The following JAKMIP1 variants were observed in gnomAD, a reference collection of about 807,000 sequenced individuals.
JAKMIP1 encodes janus kinase and microtubule-interacting protein 1.
Under a neutral mutation model 113.0 loss-of-function variants are expected in JAKMIP1, and 33 were observed. That is an observed-to-expected ratio of 0.29 (90% confidence interval 0.22 to 0.39). The LOEUF (loss-of-function observed/expected upper bound fraction) is 0.39, where lower values mean the gene tolerates loss of function less well. Ranked by LOEUF, JAKMIP1 falls within the 10% of genes least tolerant of loss-of-function variation. The pLI, the probability that JAKMIP1 is intolerant of heterozygous loss-of-function variation, is 1.00. For synonymous variants in JAKMIP1, 480 were observed against 459.9 expected, an observed-to-expected ratio of 1.04 and a Z score of -0.56; for missense variants, 813 against 1,080.5, an observed-to-expected ratio of 0.75 and a Z score of 3.47.
intron 3 of JAKMIP1, among the ~76,000 whole-genome samples, chr4:6,098,326 G>A (rs950298998): frequency 3.9e-5 from 6 of 152,076 alleles, no homozygotes; most frequent in South Asian, 2.1e-4. Context: ...CCAGCTACCC[G>A]GGAGGCTGAG....
In JAKMIP1 at chr4:6,136,376, A is replaced by G. The variant is rs1261220264; in HGVS notation, c.-147-23379T>C. Reference sequence around the variant, plus strand: ...ATTTAAGTACTTCTGACAAATCAGTACCCTAGTGATAATATCTCCCACTGG... The same window carrying G: ...ATTTAAGTACTTCTGACAAATCAGTGCCCTAGTGATAATATCTCCCACTGG... On this transcript the variant is annotated intron_variant, in intron 1 of 20. Transcript: ENST00000409021. This position sits in a 1 kb window ranked among gnomAD's most constrained non-coding sequence, Gnocchi z 5.9. Among the ~76,000 whole-genome samples, 1 of 151,714 alleles carries G rather than the reference A, an allele frequency of 6.6e-6. No homozygotes were observed. The highest frequency in any genetic ancestry group is 1.5e-5 in the Non-Finnish European group (1 of 67,914).
intron 1 of JAKMIP1, among the ~76,000 whole-genome samples, chr4:6,127,124 A>T (rs1717797559): frequency 6.6e-6 from 1 of 152,168 alleles, no homozygotes; most frequent in Admixed American, 6.5e-5. Flanking sequence ...AAGGGACGTC[A>T]TTCTCTTTCT....
chr4:6,158,419 C>A lies in JAKMIP1; in HGVS notation c.-148+41834G>T, dbSNP rs1189993076. ...TCCAGGAAGGCTTCCAGAGGCAGGA[C>A]CCCTGCGATGTTCACCTGGCCACCC... On this transcript the variant is annotated intron_variant, in intron 1 of 20. Coordinates refer to ENST00000409021, the MANE Select transcript of JAKMIP1 (RefSeq NM_001099433.2). The surrounding 1 kb of genome is among the most constrained non-coding windows in gnomAD (Gnocchi z 5.3). Among the ~76,000 whole-genome samples, 1 of 152,200 alleles carries A rather than the reference C, an allele frequency of 6.6e-6. No individual in the cohort carries two copies. The highest frequency in any genetic ancestry group is 2.4e-5 in the African/African-American group (1 of 41,450).
rs1239214147 is a variant in JAKMIP1, at chr4:6,183,506, A to AAATAAATAAATT, written c.-148+16746_-148+16747insAATTTATTTATT. Among the ~76,000 whole-genome samples, 12 of 151,172 alleles carry AAATAAATAAATT rather than the reference A, an allele frequency of 7.9e-5. No individual in the cohort carries two copies. Among genetic ancestry groups the AAATAAATAAATT allele is most frequent in the Admixed American group, 5.3e-4 (8 of 15,182 alleles). Reference sequence around the variant, plus strand: ...TAAATAAATAAATAAATAAATAAATAAATTTAAAAAAGAAAGTAAAATGGA... The same window carrying AAATAAATAAATT: ...TAAATAAATAAATAAATAAATAAATAAATAAATAAATTAATTTAAAAAAGAAAGTAAAATGGA... On this transcript the variant is annotated intron_variant, in intron 1 of 20. Transcript: ENST00000409021. The surrounding 1 kb of genome is among the most constrained non-coding windows in gnomAD (Gnocchi z 5.3).
rs1382232711 is a variant in JAKMIP1, at chr4:6,057,833, T to TCCTTGGG, written c.1645-1081_1645-1075dup. ...GTGACCTGAGCAGAGGTTTGGACCATCCTTGGGCCTTGGGCTTGCCCCCAA... is the reference window on the plus strand; with the variant it reads ...GTGACCTGAGCAGAGGTTTGGACCATCCTTGGGCCTTGGGCCTTGGGCTTGCCCCCAA... On this transcript the variant is annotated intron_variant, in intron 11 of 20. Transcript: ENST00000409021. Among the ~76,000 whole-genome samples, 4 of 152,292 alleles carry TCCTTGGG rather than the reference T, an allele frequency of 2.6e-5. No individual in the cohort carries two copies. The South Asian group carries it at 6.2e-4, about 24-fold the overall frequency.
At chr4:6,053,289 G>A (rs1034737088) in intron 13 of JAKMIP1, among the ~76,000 whole-genome samples, 2 of 152,180 alleles carry the variant, frequency 1.3e-5, no homozygotes, top group African/African-American at 4.8e-5. Flanking sequence ...TCGGTGCATT[G>A]GGGCAGTTCC....
intron 8 of JAKMIP1, among the ~76,000 whole-genome samples, chr4:6,071,239 A>G (rs1718908648): frequency 6.6e-6 from 1 of 151,820 alleles, no homozygotes; most frequent in Non-Finnish European, 1.5e-5. Flanking sequence ...TGCAGACCTG[A>G]GACAGCTGGG....
Position 6,105,992 on chromosome 4 carries a change from C to CGGTCAG in JAKMIP1, c.130-31_130-26dup, listed in dbSNP as rs557350431. ...CCTGCAGCCAGAGCGGCGAGAGAGC[C>CGGTCAG]GGTCAGGGTCAGGGTCAGGGTCAGG... is the stretch of plus-strand genomic sequence containing the variant. On this transcript the variant is annotated intron_variant, in intron 2 of 20. Coordinates refer to ENST00000409021, the MANE Select transcript of JAKMIP1 (RefSeq NM_001099433.2). 2.8e-3 allele frequency: 4,234 copies of CGGTCAG among 1,502,740 alleles called. 26 individuals carry two copies. The highest frequency in any genetic ancestry group is 0.017 in the African/African-American group (1,260 of 72,122). The allele number at this position is 1,502,740 out of a possible 1,614,324, so 93.1% of individuals were successfully genotyped here.
intron 1 of JAKMIP1, among the ~76,000 whole-genome samples, chr4:6,118,622 T>G (rs1401993818): frequency 2.0e-5 from 3 of 152,140 alleles, no homozygotes; most frequent in Non-Finnish European, 2.9e-5. Context: ...AGGCCTTGTC[T>G]GGCCTTCTTA....
Position 6,138,899 on chromosome 4 carries a change from G to A in JAKMIP1, c.-147-25902C>T, listed in dbSNP as rs1010241080. ...ACTTTCAACAGAGCAAGGCCAGTTG[G>A]GCGCTAAGCAACTACTGCTTACTGC... On this transcript the variant is annotated intron_variant, in intron 1 of 20. Coordinates refer to ENST00000409021, the MANE Select transcript of JAKMIP1 (RefSeq NM_001099433.2). The surrounding 1 kb of genome is among the most constrained non-coding windows in gnomAD (Gnocchi z 6.0). Among the ~76,000 whole-genome samples the A allele has an allele frequency of 3.3e-5, 5 of 152,124 alleles. No individual in the cohort carries two copies. The highest frequency in any genetic ancestry group is 9.7e-5 in the African/African-American group (4 of 41,390).
In JAKMIP1 at chr4:6,180,351, C is replaced by T. The variant is rs1304722953; in HGVS notation, c.-148+19902G>A. ...GAACATAATGAAGCTTCCTTTAGAA[C>T]ATTCTGTGCACGTGAAGTCTTCTTT... On this transcript the variant is annotated intron_variant, in intron 1 of 20. Transcript: ENST00000409021. This position sits in a 1 kb window ranked among gnomAD's most constrained non-coding sequence, Gnocchi z 4.5. Among the ~76,000 whole-genome samples the T allele has an allele frequency of 1.3e-5, 2 of 152,146 alleles. No homozygotes were observed. The highest frequency in any genetic ancestry group is 4.8e-5 in the African/African-American group (2 of 41,432).
At position 6,096,622 on chromosome 4, in the gene JAKMIP1, G is replaced by T. The variant is rs145942805; in HGVS notation, c.624+8851C>A. On this transcript the variant is annotated intron_variant, in intron 3 of 20. Transcript: ENST00000409021. ...CATTCAGAATTGAGTTTTGAAAGAG[G>T]ATCCATGGCCTGAGGCTGAGTATAA... Among the ~76,000 whole-genome samples the T allele has an allele frequency of 3.9e-3, 598 of 152,296 alleles. 1 individual carries two copies. The highest frequency in any genetic ancestry group is 0.014 in the African/African-American group (574 of 41,552).
intron 10 of JAKMIP1, 36 bp downstream of exon 10, chr4:6,062,276 G>A: frequency 6.8e-6 from 11 of 1,610,316 alleles, no homozygotes; most frequent in Non-Finnish European, 9.3e-6. Context: ...CTGGCCTTCG[G>A]CCCCTCCCTC....
intron 1 of JAKMIP1, among the ~76,000 whole-genome samples, chr4:6,126,137 A>G (rs866597572): frequency 2.2e-4 from 30 of 138,546 alleles, no homozygotes; most frequent in African/African-American, 9.2e-4. Context: ...ACACACAAAC[A>G]CAAACACACA....
At chr4:6,145,709 G>A (rs1430518065) in intron 1 of JAKMIP1, among the ~76,000 whole-genome samples, 1 of 152,136 alleles carries the variant, frequency 6.6e-6, no homozygotes. Context: ...TTTCCTTGCA[G>A]TTCTGGAGGC....
chr4:6,028,086 AG>A (rs1712097140), intron 20 of JAKMIP1, among the ~76,000 whole-genome samples: 1 of 152,192 alleles, frequency 6.6e-6, no homozygotes, highest in Admixed American at 6.5e-5. Context: ...CCTGAGGCAG[AG>A]GGGTGAATTC....
Position 6,153,246 on chromosome 4 carries a change from C to A in JAKMIP1, c.-147-40249G>T, listed in dbSNP as rs1005051037. ...CCTGATTCCTACTCAGAGGCCCCAA[C>A]GTCCCTGCCTCTCAGCCTCAGCTCC... On this transcript the variant is annotated intron_variant, in intron 1 of 20. Coordinates refer to ENST00000409021, the MANE Select transcript of JAKMIP1 (RefSeq NM_001099433.2). This position sits in a 1 kb window ranked among gnomAD's most constrained non-coding sequence, Gnocchi z 4.9. 1.3e-5 allele frequency among the ~76,000 whole-genome samples: 2 copies of A among 152,200 alleles called. No individual in the cohort carries two copies. Among genetic ancestry groups the A allele is most frequent in the South Asian group, 2.1e-4 (1 of 4,836 alleles).
rs1020306979 is a variant in JAKMIP1 at position 6,065,224 on chromosome 4, T to C, written c.1303-216A>G. Among the ~76,000 whole-genome samples, 3 of 152,112 alleles carry C rather than the reference T, an allele frequency of 2.0e-5. No individual in the cohort carries two copies. On this transcript the variant is annotated intron_variant, in intron 8 of 20. Transcript: ENST00000409021. This position sits in a 1 kb window ranked among gnomAD's most constrained non-coding sequence, Gnocchi z 5.1. ...CCTAGGGTTTACAGCCTGAGCGAGC[T>C]AGTCTGGCCCTGGTCCTGGCTCTGG...
chr4:6,062,335 G>T lies in JAKMIP1; in HGVS notation c.1537C>A (p.Leu513Met), dbSNP rs1158077057. 2 of 1,613,082 alleles carry T rather than the reference G, an allele frequency of 1.2e-6. No individual in the cohort carries two copies. The highest frequency in any genetic ancestry group is 4.5e-5 in the East Asian group (2 of 44,886). Reference protein sequence around the residue: ...ALLQEQVGGTLDAEREARTRE... With the variant: ...ALLQEQVGGTMDAEREARTRE... The stretch of plus-strand genomic sequence containing the variant: ...ACCCGGGCCTCCCTCTCAGCGTCCA[G>T]CGTGCCTCCCACCTGCTCCTGGAGC... Residue 513 changes from leucine to methionine, a missense_variant, in exon 10 of 21, where the codon CTG becomes ATG. By Grantham distance (15) the Leu-to-Met change is conservative (BLOSUM62 2). Transcript: ENST00000409021.
Sources: gnomAD v4.1 joint callset for allele counts (sites outside exome capture counted in the v4.1 genomes callset) on GRCh38, gnomAD v4.1.1 for gene constraint, Gnocchi (gnomAD v3.1) non-coding constraint, MANE v1.5 for transcripts, NCBI Gene and HGNC (gene_info 2026-07-23, HGNC 2026-07-21) for gene names.